SPPL2A: variants seen among roughly 807,000 people sequenced by gnomAD.
SPPL2A encodes signal peptide peptidase-like 2A.
SPPL2A carries 51 observed loss-of-function variants against 63.8 expected under a neutral mutation model. The ratio of observed to expected loss-of-function variants is 0.80; its 90% CI spans 0.64 to 1.01. The LOEUF (loss-of-function observed/expected upper bound fraction) is 1.01, where lower values mean the gene tolerates loss of function less well. SPPL2A is among the 50% of genes least tolerant of loss of function. The probability of loss-of-function intolerance (pLI) is 0.00; values close to 1 mark genes in which losing one functional copy is unlikely to be tolerated. For missense variants in SPPL2A, 553 were observed against 622.7 expected (o/e 0.89, Z 1.19); for synonymous variants, 188 against 205.8 (o/e 0.91, Z 0.74).
rs1381879830 is a variant in SPPL2A at position 50,705,825 on chromosome 15, TTGAAC to T, written c.*1970_*1974del. ...AGGCATTAGTTTTATTTTTAATAAA[TTGAAC>T]TGGCCTTAGATGAAAGATATAGTTC... is the stretch of plus-strand genomic sequence containing the variant. On this transcript the variant is annotated 3_prime_UTR_variant, in exon 15 of 15. Transcript: ENST00000261854. 2.0e-5 allele frequency: 3 copies of T among 152,246 alleles called. No individual in the cohort carries two copies. In the South Asian group the frequency reaches 6.2e-4, roughly 31 times the overall value. 9.4% of individuals were successfully genotyped at this position (152,246 alleles called of 1,614,324 possible). A position where few individuals can be genotyped will look rare whatever the true frequency, so the allele number is the denominator to read the frequency against.
chr15:50,755,734 A>G (rs2062952412), intron 1 of SPPL2A, among the ~76,000 whole-genome samples: 1 of 151,928 alleles, frequency 6.6e-6, no homozygotes, highest in Non-Finnish European at 1.5e-5. Flanking sequence ...TTATGTTTTA[A>G]CAAGCCCTTC....
chr15:50,728,777 G>A (rs1397893612), intron 10 of SPPL2A, among the ~76,000 whole-genome samples: 1 of 151,802 alleles, frequency 6.6e-6, no homozygotes, highest in African/African-American at 2.4e-5. Flanking sequence ...CGAGTAGCTG[G>A]GACTACAGGC....
At chr15:50,742,450 T>C (rs2062830100) in intron 5 of SPPL2A, among the ~76,000 whole-genome samples, 1 of 152,166 alleles carries the variant, frequency 6.6e-6, no homozygotes, top group Non-Finnish European at 1.5e-5. Context: ...CCCAGGCATC[T>C]TTCCCTTTTG....
chr15:50,761,567 G>C (rs181443081), intron 1 of SPPL2A, among the ~76,000 whole-genome samples: 34 of 152,184 alleles, frequency 2.2e-4, no homozygotes, highest in African/African-American at 8.2e-4. Context: ...GATGAGCTGG[G>C]ATCGCACCAT....
chr15:50,758,192 G>A (rs1396226510), intron 1 of SPPL2A, among the ~76,000 whole-genome samples: 1 of 150,260 alleles, frequency 6.7e-6, no homozygotes, highest in Admixed American at 6.6e-5. Context: ...AGGAGGCTGA[G>A]GCAGGAGAAT....
At position 50,722,182 on chromosome 15, in the gene SPPL2A, A is replaced by G. The variant is rs1455180988; in HGVS notation, c.1269T>C (p.Cys423=). The G allele has an allele frequency of 2.5e-6, 4 of 1,593,568 alleles. No individual in the cohort carries two copies. The highest frequency in any genetic ancestry group is 1.7e-5 in the Admixed American group (1 of 59,952). The change falls in exon 13 of 15, where the codon TGT becomes TGC. Residue 423 remains cysteine, a synonymous_variant. Transcript: ENST00000261854. ...IIVPGLLIAY[C]RRFDVQTGSS... ...AACCAGTCTGAACATCAAATCTTCT[A>G]CAGTATGCAATCAACAGGCCTTAAA...
chr15:50,749,693 G>T lies in SPPL2A; in HGVS notation c.120C>A (p.Asp40Glu). The change falls in exon 2 of 15, where the codon GAC becomes GAA. Residue 40 changes from aspartate to glutamate, a missense_variant. Coordinates refer to ENST00000261854, the MANE Select transcript of SPPL2A (RefSeq NM_032802.4). Reference sequence around the variant, plus strand: ...AATAAGGGTTATAAAGCATGCAGTAGTCCTTGGTTGTGCCATTTCCAGACG... The same window carrying T: ...AATAAGGGTTATAAAGCATGCAGTATTCCTTGGTTGTGCCATTTCCAGACG... ...LHASGNGTTK[D>E]YCMLYNPYWT... is the part of the protein sequence containing the mutation. The T allele has an allele frequency of 1.2e-6, 2 of 1,613,736 alleles. No individual in the cohort carries two copies. Among genetic ancestry groups the T allele is most frequent in the South Asian group, 1.1e-5 (1 of 91,074 alleles).
intron 3 of SPPL2A, 107 bp downstream of exon 3, chr15:50,748,581 A>T (rs2062878467): frequency 1.4e-6 from 1 of 705,640 alleles, no homozygotes; most frequent in African/African-American, 1.9e-5. Context: ...TTGCCATCAG[A>T]TCATTCAAAA....
rs2063050945 is a variant in SPPL2A at position 50,765,432 on chromosome 15, C to G, written c.66+36G>C. ...CGGCCTTGGCCCCGGCCCCGCCCAG[C>G]CCCTGGGAGGCCTGCGCGCCTTCCC... On this transcript the variant is annotated intron_variant, in intron 1 of 14. Transcript: ENST00000261854. 7 of 1,481,908 alleles carry G rather than the reference C, an allele frequency of 4.7e-6. No individual in the cohort carries two copies. The East Asian group carries it at 1.9e-4, about 40-fold the overall frequency. 91.8% of individuals were successfully genotyped at this position (1,481,908 alleles called of 1,614,324 possible).
intron 13 of SPPL2A, among the ~76,000 whole-genome samples, chr15:50,720,304 C>T (rs78666809): frequency 0.023 from 3,443 of 152,192 alleles, 62 homozygotes; most frequent in Non-Finnish European, 0.031. Flanking sequence ...GTTAGCATTT[C>T]AATTATTACT....
chr15:50,716,075 C>A (rs2051177172), intron 14 of SPPL2A, among the ~76,000 whole-genome samples: 1 of 152,100 alleles, frequency 6.6e-6, no homozygotes, highest in African/African-American at 2.4e-5. Context: ...AGAGAAGGCA[C>A]AGAAGGAAAT....
chr15:50,732,576 C>A, intron 9 of SPPL2A, 27 bp downstream of exon 9: 1 of 1,345,382 alleles, frequency 7.4e-7, no homozygotes, highest in South Asian at 1.3e-5. Context: ...TTTATTTTAA[C>A]TAGCAAAGTA....
intron 8 of SPPL2A, 57 bp from the exon 9 acceptor site, chr15:50,732,741 A>G: frequency 9.8e-7 from 1 of 1,021,516 alleles, no homozygotes; most frequent in Non-Finnish European, 1.5e-6. Context: ...AAGCCTTTCA[A>G]AAGACATAGA....
intron 9 of SPPL2A, 31 bp from the exon 10 acceptor site, chr15:50,731,070 A>C: frequency 1.5e-5 from 14 of 943,684 alleles, no homozygotes; most frequent in Non-Finnish European, 2.2e-5. Flanking sequence ...ATTAAAGGTC[A>C]ATCTTCCTAA....
In SPPL2A at chr15:50,739,137, T is replaced by A. The variant is rs570070687; in HGVS notation, c.733+543A>T. 2.7e-5 allele frequency among the ~76,000 whole-genome samples: 4 copies of A among 150,452 alleles called. No homozygotes were observed. The East Asian group carries it at 7.8e-4, about 29-fold the overall frequency. ...CATGGCAATTATTTCAAGTCATCCA[T>A]GAAGAAGTGTTCTTATCTGAAAACA... On this transcript the variant is annotated intron_variant, in intron 6 of 14. Coordinates refer to ENST00000261854, the MANE Select transcript of SPPL2A (RefSeq NM_032802.4).
At chr15:50,729,996 T>C (rs932124247) in intron 10 of SPPL2A, among the ~76,000 whole-genome samples, 1 of 146,938 alleles carries the variant, frequency 6.8e-6, no homozygotes, top group Non-Finnish European at 1.5e-5. Context: ...CTCGGCCTTT[T>C]AAAAAAAAAG....
chr15:50,739,615 A>AT, intron 6 of SPPL2A, 65 bp downstream of exon 6: 1 of 1,176,444 alleles, frequency 8.5e-7, no homozygotes, highest in Non-Finnish European at 1.2e-6. Context: ...GAAAAGATAA[A>AT]TCTAGTAATA....
chr15:50,755,519 G>C (rs2062949725), intron 1 of SPPL2A, among the ~76,000 whole-genome samples: 1 of 150,704 alleles, frequency 6.6e-6, no homozygotes, highest in Non-Finnish European at 1.5e-5. Context: ...TACTCCAGAG[G>C]CTGAGGTGAA....
intron 10 of SPPL2A, among the ~76,000 whole-genome samples, 190 bp downstream of exon 10, chr15:50,730,775 G>C (rs1596384356): frequency 1.3e-5 from 2 of 152,144 alleles, no homozygotes; most frequent in East Asian, 3.8e-4. Flanking sequence ...TATCAGTCAA[G>C]AGACATTTTA....
Sources: gnomAD v4.1 joint callset for allele counts (sites outside exome capture counted in the v4.1 genomes callset) on GRCh38, gnomAD v4.1.1 for gene constraint, MANE v1.5 for transcripts, NCBI Gene and HGNC (gene_info 2026-07-23, HGNC 2026-07-21) for gene names.